The following SUSD4 variants were observed in gnomAD, a reference collection of about 807,000 sequenced individuals.
The protein encoded by SUSD4 is sushi domain-containing protein 4.
A neutral mutation model predicts 50.5 loss-of-function variants in SUSD4; 41 were observed. The observed-to-expected ratio is 0.81, with a 90% CI of 0.63 to 1.05. The LOEUF is 1.05. SUSD4 is among the 50% of genes least tolerant of loss of function. The pLI is 0.00. For missense variants in SUSD4, 580 were observed against 634.7 expected (o/e 0.91, Z 0.93); for synonymous variants, 257 against 257.3 (o/e 1.00, Z 0.01).
intron 2 of SUSD4, among the ~76,000 whole-genome samples, chr1:223,311,183 T>C (rs1665851499): frequency 6.6e-6 from 1 of 152,208 alleles, no homozygotes; most frequent in African/African-American, 2.4e-5. Flanking sequence ...CTGTTCAGGA[T>C]TGATAATGAA....
intron 2 of SUSD4, among the ~76,000 whole-genome samples, chr1:223,357,925 G>A (rs1236282098): frequency 6.6e-6 from 1 of 152,092 alleles, no homozygotes; most frequent in Non-Finnish European, 1.5e-5. Flanking sequence ...CAATTCAGAG[G>A]CAATGATCCC....
chr1:223,307,795 T>C (rs1376804643), intron 2 of SUSD4, among the ~76,000 whole-genome samples: 1 of 152,170 alleles, frequency 6.6e-6, no homozygotes, highest in Non-Finnish European at 1.5e-5. Flanking sequence ...AGCAACAAGA[T>C]TAGGGCTCTG....
At chr1:223,310,468 T>C (rs1293895142) in intron 2 of SUSD4, among the ~76,000 whole-genome samples, 1 of 152,198 alleles carries the variant, frequency 6.6e-6, no homozygotes, top group Non-Finnish European at 1.5e-5. Flanking sequence ...ATTATTAGTG[T>C]TAATGATTAA....
intron 2 of SUSD4, among the ~76,000 whole-genome samples, chr1:223,340,179 A>C (rs1259323169): frequency 6.6e-6 from 1 of 152,220 alleles, no homozygotes; most frequent in African/African-American, 2.4e-5. Flanking sequence ...AAAAAGCAGA[A>C]TAACACCCAG....
At chr1:223,250,686 G>A (rs1368374247) in intron 5 of SUSD4, among the ~76,000 whole-genome samples, 2 of 152,168 alleles carry the variant, frequency 1.3e-5, no homozygotes, top group Non-Finnish European at 2.9e-5. Flanking sequence ...ATGCACAATG[G>A]GGTTAGAGTT....
intron 3 of SUSD4, among the ~76,000 whole-genome samples, chr1:223,277,152 A>C (rs2103104552): frequency 6.6e-6 from 1 of 152,326 alleles, no homozygotes; most frequent in African/African-American, 2.4e-5. Flanking sequence ...CGTAATAATA[A>C]TACTTAAACT....
intron 2 of SUSD4, among the ~76,000 whole-genome samples, chr1:223,363,004 C>CT (rs1364797660): frequency 8.1e-6 from 1 of 123,174 alleles, no homozygotes; most frequent in African/African-American, 3.0e-5. Flanking sequence ...GCTTTATTGT[C>CT]TTTCCTTGGG....
intron 2 of SUSD4, among the ~76,000 whole-genome samples, chr1:223,331,752 A>G (rs1667187967): frequency 6.6e-6 from 1 of 152,138 alleles, no homozygotes. Context: ...TGACCAAGCC[A>G]TCTGCTCCCC....
chr1:223,227,828 G>C lies in SUSD4; in HGVS notation c.917-90C>G. On this transcript the variant is annotated intron_variant, in intron 6 of 8. Coordinates refer to ENST00000366878, the MANE Select transcript of SUSD4 (RefSeq NM_017982.4). This position sits in a 1 kb window ranked among gnomAD's most constrained non-coding sequence, Gnocchi z 4.5. ...GTGGGCTCATTTGCTGGATTCATCT[G>C]GCACAAGAGATGCGTGCAAGGTGCC... is the stretch of plus-strand genomic sequence containing the variant. 3.4e-6 allele frequency: 5 copies of C among 1,475,142 alleles called. No homozygotes were observed. Among genetic ancestry groups the C allele is most frequent in the Non-Finnish European group, 3.7e-6 (4 of 1,093,902 alleles). The allele number at this position is 1,475,142 out of a possible 1,614,324, so 91.4% of individuals were successfully genotyped here.
chr1:223,356,156 T>C (rs1302250471), intron 2 of SUSD4, among the ~76,000 whole-genome samples: 1 of 145,844 alleles, frequency 6.9e-6, no homozygotes, highest in Non-Finnish European at 1.5e-5. Context: ...AGCAACTCAA[T>C]TATTTCTATT....
intron 2 of SUSD4, among the ~76,000 whole-genome samples, chr1:223,337,438 G>A (rs1667521304): frequency 6.6e-6 from 1 of 152,214 alleles, no homozygotes; most frequent in African/African-American, 2.4e-5. Context: ...AACCTCAGAT[G>A]TCTAAATTTA....
At chr1:223,278,897 T>C (rs1349589775) in intron 3 of SUSD4, among the ~76,000 whole-genome samples, 2 of 152,174 alleles carry the variant, frequency 1.3e-5, no homozygotes, top group African/African-American at 4.8e-5. Context: ...GGTAGGAACA[T>C]TTGCTGTTCA....
intron 5 of SUSD4, among the ~76,000 whole-genome samples, chr1:223,257,856 T>A (rs1661807267): frequency 1.3e-5 from 2 of 152,152 alleles, no homozygotes; most frequent in Non-Finnish European, 1.5e-5. Context: ...GTGGCCCTGA[T>A]TCGGGTCTGG....
At chr1:223,238,539 G>T (rs1176119806) in intron 5 of SUSD4, among the ~76,000 whole-genome samples, 2 of 151,902 alleles carry the variant, frequency 1.3e-5, no homozygotes, top group Non-Finnish European at 2.9e-5. Context: ...TTGACAAGTT[G>T]TGTTTTCATT....
intron 2 of SUSD4, chr1:223,358,909 T>G (rs935881014): frequency 3.3e-6 from 1 of 303,796 alleles, no homozygotes; most frequent in African/African-American, 2.2e-5. Flanking sequence ...CTCTACCATG[T>G]AAGAAAATGT....
At chr1:223,352,990 A>C (rs1668449593) in intron 2 of SUSD4, among the ~76,000 whole-genome samples, 1 of 151,892 alleles carries the variant, frequency 6.6e-6, no homozygotes, top group Non-Finnish European at 1.5e-5. Context: ...CCTATAACAA[A>C]TCACTCGCCT....
intron 3 of SUSD4, chr1:223,289,364 A>T: frequency 1.1e-6 from 1 of 942,670 alleles, no homozygotes; most frequent in Non-Finnish European, 1.3e-6. Context: ...AGACCTCTAT[A>T]AATTTAGTTC....
intron 2 of SUSD4, among the ~76,000 whole-genome samples, chr1:223,356,141 A>G (rs1290943778): frequency 6.6e-6 from 1 of 151,316 alleles, no homozygotes; most frequent in African/African-American, 2.4e-5. Context: ...TTAAGAAGCT[A>G]TTTGAGCAAC....
At chr1:223,309,014 G>C (rs1464366074) in intron 2 of SUSD4, among the ~76,000 whole-genome samples, 1 of 152,192 alleles carries the variant, frequency 6.6e-6, no homozygotes. Flanking sequence ...GACTTGTATA[G>C]AGTATGTCAT....
Sources: allele counts gnomAD v4.1 joint callset (sites outside exome capture counted in the v4.1 genomes callset), GRCh38; gene constraint gnomAD v4.1.1; non-coding constraint Gnocchi (gnomAD v3.1); transcripts MANE v1.5; gene names NCBI Gene and HGNC (gene_info 2026-07-23, HGNC 2026-07-21).